The following PCDHA1 variants were observed in gnomAD, a reference collection of about 807,000 sequenced individuals.
PCDHA1 encodes protocadherin alpha 1.
In PCDHA1, 42 loss-of-function variants were observed where a neutral mutation model predicts 61.3. That is an observed-to-expected ratio of 0.69 (90% CI 0.54 to 0.89). The LOEUF (loss-of-function observed/expected upper bound fraction) is 0.89. PCDHA1 is among the 40% of genes least tolerant of loss of function. The pLI, the probability that PCDHA1 is intolerant of heterozygous loss-of-function variation, is 0.00. For synonymous variants in PCDHA1, 610 were observed against 553.8 expected (o/e 1.10, Z -1.43); for missense variants, 1,256 against 1,235.3 (o/e 1.02, Z -0.25).
intron 1 of PCDHA1, among the ~76,000 whole-genome samples, chr5:140,950,973 T>C (rs1381300164): frequency 3.3e-5 from 5 of 152,244 alleles, no homozygotes; most frequent in Middle Eastern, 3.4e-3. Flanking sequence ...TTCAGATTCA[T>C]TGACTTTTGC....
At position 140,877,077 on chromosome 5, in the gene PCDHA1, G is replaced by A. The variant is rs373726752; in HGVS notation, c.2394+88393G>A. The A allele has an allele frequency of 1.1e-4, 183 of 1,613,104 alleles. 1 individual carries two copies. The highest frequency in any genetic ancestry group is 1.5e-4 in the Non-Finnish European group (175 of 1,179,844). On this transcript the variant is annotated intron_variant, in intron 1 of 3. Coordinates refer to ENST00000504120, the MANE Select transcript of PCDHA1 (RefSeq NM_018900.4). ...AGCTGGAGCTGCTGCAGTTCCAGGT[G>A]AGCGCGCGCGACGCCGGCGTGCCGC...
intron 1 of PCDHA1, among the ~76,000 whole-genome samples, chr5:140,936,021 T>TA (rs2090725097): frequency 1.3e-5 from 2 of 151,374 alleles, no homozygotes; most frequent in African/African-American, 4.9e-5. Flanking sequence ...GCCTCCCGAG[T>TA]AGCGGGGATT....
chr5:140,843,914 A>C, intron 1 of PCDHA1: 1 of 621,414 alleles, frequency 1.6e-6, no homozygotes, highest in Non-Finnish European at 2.8e-6. Flanking sequence ...AGTTGGGTCT[A>C]TCTTGAAACT....
rs782212623 is a variant in PCDHA1 at position 140,927,250 on chromosome 5, A to G, written c.2395-51699A>G. On this transcript the variant is annotated intron_variant, in intron 1 of 3. Coordinates refer to ENST00000504120, the MANE Select transcript of PCDHA1 (RefSeq NM_018900.4). ...GATTCACGTCCTGGACACCAATGACAACTCACCTCTCTTTCCTGCCGGCGA... is the reference window on the plus strand; with the variant it reads ...GATTCACGTCCTGGACACCAATGACGACTCACCTCTCTTTCCTGCCGGCGA... 1.9e-6 allele frequency: 3 copies of G among 1,614,046 alleles called. 1 individual carries two copies. The highest frequency in any genetic ancestry group is 2.5e-6 in the Non-Finnish European group (3 of 1,180,004).
intron 1 of PCDHA1, among the ~76,000 whole-genome samples, chr5:140,827,573 T>G (rs1769335748): frequency 6.6e-6 from 1 of 152,222 alleles, no homozygotes; most frequent in Admixed American, 6.5e-5. Context: ...CACTATATAA[T>G]AGCATGTCCT....
intron 1 of PCDHA1, chr5:140,869,097 G>T (rs1344358126): frequency 1.3e-6 from 2 of 1,595,318 alleles, no homozygotes; most frequent in Non-Finnish European, 1.7e-6. Flanking sequence ...AGCCAATTTC[G>T]TATGCGATGT....
intron 1 of PCDHA1, among the ~76,000 whole-genome samples, chr5:140,898,068 C>A (rs1420706890): frequency 8.5e-5 from 13 of 152,050 alleles, no homozygotes; most frequent in African/African-American, 2.7e-4. Context: ...TGTTTGAGTT[C>A]ATTGTAGATT....
At chr5:140,857,171 G>A in intron 1 of PCDHA1, 1 of 1,598,424 alleles carries the variant, frequency 6.3e-7, no homozygotes, top group South Asian at 1.1e-5. Flanking sequence ...CAGCGTTTCT[G>A]ACCATGATTC....
At chr5:140,848,601 CCG>C (rs2040496179) in intron 1 of PCDHA1, 1 of 1,593,502 alleles carries the variant, frequency 6.3e-7, no homozygotes, top group Non-Finnish European at 8.6e-7. Flanking sequence ...CTACTCCGTC[CCG>C]GAGGAAGCCG....
At chr5:140,802,349 G>C (rs782137990) in intron 1 of PCDHA1, 2 of 1,614,228 alleles carry the variant, frequency 1.2e-6, no homozygotes, top group Middle Eastern at 3.3e-4. Flanking sequence ...TCAATGGACA[G>C]GTCACCTGCT....
chr5:140,947,625 T>C (rs2094153389), intron 1 of PCDHA1, among the ~76,000 whole-genome samples: 1 of 151,648 alleles, frequency 6.6e-6, no homozygotes, highest in Non-Finnish European at 1.5e-5. Context: ...CAATATTGAG[T>C]CATCAGATCG....
At chr5:140,979,129 A>T (rs1316213932) in intron 2 of PCDHA1, 122 bp downstream of exon 2, 1 of 1,477,514 alleles carries the variant, frequency 6.8e-7, no homozygotes, top group Non-Finnish European at 9.0e-7. Flanking sequence ...CTTTGCCAGG[A>T]AAATGCAATT....
intron 1 of PCDHA1, chr5:140,882,573 G>A (rs2059201802): frequency 2.5e-6 from 4 of 1,614,234 alleles, no homozygotes; most frequent in Non-Finnish European, 3.4e-6. Flanking sequence ...AGCGCGGAGT[G>A]CAGCATCCAC....
chr5:140,808,769 C>G (rs142480630), intron 1 of PCDHA1: 81,274 of 1,612,192 alleles, frequency 0.05, 2,410 homozygotes, highest in Middle Eastern at 0.074. Flanking sequence ...CCACGAGGAG[C>G]TAGAGCTGCT....
chr5:140,908,270 G>A (rs1554193271), intron 1 of PCDHA1, among the ~76,000 whole-genome samples: 1 of 152,154 alleles, frequency 6.6e-6, no homozygotes, highest in African/African-American at 2.4e-5. Context: ...AACTCCCCAT[G>A]AGGCCATTGT....
Position 141,010,440 on chromosome 5 carries a change from A to G in PCDHA1, c.*503A>G, listed in dbSNP as rs1279403327. 3 of 984,540 alleles carry G rather than the reference A, an allele frequency of 3.0e-6. No individual in the cohort carries two copies. Among genetic ancestry groups the G allele is most frequent in the Admixed American group, 5.9e-5 (2 of 34,150 alleles). The allele number at this position is 984,540 out of a possible 1,614,324, so 61.0% of individuals were successfully genotyped here. On this transcript the variant is annotated 3_prime_UTR_variant, in exon 4 of 4. Transcript: ENST00000504120. The stretch of plus-strand genomic sequence containing the variant: ...CAAGGAAGGCAAGAAAACAAAGACA[A>G]ATAAACAGCGGAAGTTATCAGTATG...
chr5:140,829,086 G>A, intron 1 of PCDHA1: 2 of 1,611,294 alleles, frequency 1.2e-6, no homozygotes, highest in East Asian at 2.2e-5. Flanking sequence ...CCCATGGCGG[G>A]TCATTGCACC....
At chr5:140,928,830 TTCC>T in intron 1 of PCDHA1, 1 of 1,614,124 alleles carries the variant, frequency 6.2e-7, no homozygotes, top group Non-Finnish European at 8.5e-7. Flanking sequence ...ACCCACCACT[TTCC>T]TCCTCTGTCA....
intron 1 of PCDHA1, chr5:140,869,835 A>T (rs782478328): frequency 1.2e-6 from 2 of 1,611,774 alleles, no homozygotes; most frequent in South Asian, 2.2e-5. Context: ...AGTTTGATAA[A>T]TCAGAATATA....
Sources: gnomAD v4.1 joint callset for allele counts (sites outside exome capture counted in the v4.1 genomes callset) on GRCh38, gnomAD v4.1.1 for gene constraint, MANE v1.5 for transcripts, NCBI Gene and HGNC (gene_info 2026-07-23, HGNC 2026-07-21) for gene names.